Variants in NRG1 observed in about 807,000 individuals in gnomAD.
NRG1 encodes the protein pro-neuregulin-1, membrane-bound isoform.
Under a neutral mutation model 63.8 loss-of-function variants are expected in NRG1, and 18 were observed. The observed-to-expected ratio is 0.28, with a 90% CI of 0.19 to 0.42. The LOEUF (loss-of-function observed/expected upper bound fraction) is 0.42, where lower values mean the gene tolerates loss of function less well. Ranked by LOEUF, NRG1 falls within the 10% of genes least tolerant of loss-of-function variation. The pLI, the probability that NRG1 is intolerant of heterozygous loss-of-function variation, is 1.00. For synonymous variants in NRG1, 302 were observed against 301.3 expected, an observed-to-expected ratio of 1.00 and a Z score of -0.02; for missense variants, 762 against 814.7, an observed-to-expected ratio of 0.94 and a Z score of 0.79.
At chr8:32,688,704 T>C (rs931378421) in intron 5 of NRG1, among the ~76,000 whole-genome samples, 3 of 152,180 alleles carry the variant, frequency 2.0e-5, no homozygotes, top group African/African-American at 7.2e-5. Flanking sequence ...GTAATAACAG[T>C]GACTTTTTTT....
At chr8:31,684,248 A>G (rs1808633419) in intron 1 of NRG1, among the ~76,000 whole-genome samples, 1 of 152,166 alleles carries the variant, frequency 6.6e-6, no homozygotes, top group South Asian at 2.1e-4. Flanking sequence ...CTCCAATGTA[A>G]CAGTATTAAG....
intron 1 of NRG1, among the ~76,000 whole-genome samples, chr8:32,154,402 C>T (rs1285270027): frequency 1.3e-5 from 2 of 151,870 alleles, no homozygotes; most frequent in East Asian, 3.9e-4. Context: ...TGCCTTCCTC[C>T]CTTCCACTTC....
In NRG1 at chr8:32,384,930, T is replaced by C. The variant is rs143124097; in HGVS notation, c.38-210898T>C. 7.0e-4 allele frequency among the ~76,000 whole-genome samples: 106 copies of C among 152,370 alleles called. 2 individuals are homozygous for C. In the East Asian group the frequency reaches 0.018, roughly 26 times the overall value. On this transcript the variant is annotated intron_variant, in intron 1 of 10. Transcript: ENST00000519301. ...TCCTCCATTTTAAACTGGAATTTAC[T>C]GATTCAAATTTTTAAGAGAAAAAGT...
chr8:32,358,894 A>C (rs1312074037), intron 1 of NRG1, among the ~76,000 whole-genome samples: 1 of 152,196 alleles, frequency 6.6e-6, no homozygotes, highest in Non-Finnish European at 1.5e-5. Flanking sequence ...ATAAATAAAT[A>C]AAGCATATCA....
intron 1 of NRG1, among the ~76,000 whole-genome samples, chr8:32,325,449 G>A (rs750554565): frequency 7.9e-5 from 12 of 152,156 alleles, no homozygotes; most frequent in Non-Finnish European, 1.5e-4. Context: ...TGGCACAAAC[G>A]TGGCTCACTG....
chr8:32,603,312 G>A (rs1396692238), intron 2 of NRG1, among the ~76,000 whole-genome samples: 1 of 152,086 alleles, frequency 6.6e-6, no homozygotes, highest in Non-Finnish European at 1.5e-5. Context: ...GGGAGTCAGA[G>A]TACAACAGCA....
chr8:31,688,884 C>G (rs569495575), intron 1 of NRG1, among the ~76,000 whole-genome samples: 1 of 152,274 alleles, frequency 6.6e-6, no homozygotes, highest in East Asian at 1.9e-4. Context: ...GGTCAAAAGT[C>G]AAAAGTCTGT....
chr8:32,747,947 G>A lies in NRG1; in HGVS notation c.691+5214G>A, dbSNP rs368149046. Among the ~76,000 whole-genome samples, 8 of 151,792 alleles carry A rather than the reference G, an allele frequency of 5.3e-5. No individual in the cohort carries two copies. The East Asian group carries it at 9.7e-4, about 18-fold the overall frequency. ...TCTGCTGTTTGCCAACATATTTCAC[G>A]TCTCCTTTACTCCCCAGGCATGCCC... On this transcript the variant is annotated intron_variant, in intron 7 of 11. Coordinates refer to ENST00000356819, the Ensembl canonical transcript of NRG1.
intron 1 of NRG1, among the ~76,000 whole-genome samples, chr8:31,835,787 TATTAA>T (rs1433785252): frequency 6.6e-6 from 1 of 152,202 alleles, no homozygotes; most frequent in African/African-American, 2.4e-5. Context: ...TAATGTTATG[TATTAA>T]ATTATTGTCT....
chr8:32,525,874 G>T (rs1830785847), intron 1 of NRG1, among the ~76,000 whole-genome samples: 1 of 152,074 alleles, frequency 6.6e-6, no homozygotes, highest in African/African-American at 2.4e-5. Flanking sequence ...CAAGTCAGTT[G>T]TTACAAATTC....
At chr8:32,306,498 C>A (rs191641716) in intron 1 of NRG1, among the ~76,000 whole-genome samples, 1 of 152,102 alleles carries the variant, frequency 6.6e-6, no homozygotes, top group African/African-American at 2.4e-5. Context: ...CAGAAAGGCC[C>A]CATTGAAATT....
chr8:32,760,524 T>C, intron 11 of NRG1, 118 bp downstream of exon 11: 1 of 1,526,958 alleles, frequency 6.5e-7, no homozygotes, highest in African/African-American at 1.4e-5. Flanking sequence ...GGCAGTTACC[T>C]GTTCTAGGAG....
chr8:31,724,330 G>C (rs1427805910), intron 1 of NRG1, among the ~76,000 whole-genome samples: 1 of 152,136 alleles, frequency 6.6e-6, no homozygotes, highest in Non-Finnish European at 1.5e-5. Flanking sequence ...GTTTGACCCT[G>C]TCAGAATCAT....
intron 1 of NRG1, among the ~76,000 whole-genome samples, chr8:31,657,399 C>T (rs1454255024): frequency 6.6e-6 from 1 of 152,122 alleles, no homozygotes; most frequent in Non-Finnish European, 1.5e-5. Context: ...CATGGAGAAC[C>T]ATAGATGACT....
At position 32,513,204 on chromosome 8, in the gene NRG1, C is replaced by CGTGT. The variant is rs3031226; in HGVS notation, c.38-82607_38-82604dup. 1.1e-4 allele frequency among the ~76,000 whole-genome samples: 16 copies of CGTGT among 147,702 alleles called. No homozygotes were observed. The South Asian group carries it at 1.9e-3, about 18-fold the overall frequency. ...GTGTGTGTGTGTGTATGCGTGTGTG[C>CGTGT]GTGTGTGTGTGTGTGTGTGTATAAA... On this transcript the variant is annotated intron_variant, in intron 1 of 10. Transcript: ENST00000519301.
intron 1 of NRG1, among the ~76,000 whole-genome samples, chr8:32,110,990 C>G (rs1253851931): frequency 6.6e-6 from 1 of 152,148 alleles, no homozygotes; most frequent in Non-Finnish European, 1.5e-5. Context: ...ACGTTTCCTA[C>G]CAAGGGACTG....
At chr8:32,456,005 A>C (rs1268351613) in intron 1 of NRG1, among the ~76,000 whole-genome samples, 1 of 152,126 alleles carries the variant, frequency 6.6e-6, no homozygotes, top group African/African-American at 2.4e-5. Flanking sequence ...GATGGTCTGG[A>C]ACTCTTGACT....
intron 5 of NRG1, among the ~76,000 whole-genome samples, chr8:32,633,362 TTA>T (rs970839680): frequency 2.2e-4 from 33 of 152,172 alleles, no homozygotes; most frequent in African/African-American, 8.0e-4. Context: ...AACAGACAGA[TTA>T]TGTTTTTCTG....
At chr8:32,674,504 A>G (rs1453465730) in intron 5 of NRG1, among the ~76,000 whole-genome samples, 1 of 152,136 alleles carries the variant, frequency 6.6e-6, no homozygotes, top group East Asian at 1.9e-4. Context: ...AAATTCGTAT[A>G]TGACAACTGA....
Sources: allele counts gnomAD v4.1 joint callset (sites outside exome capture counted in the v4.1 genomes callset), GRCh38; gene constraint gnomAD v4.1.1; transcripts MANE v1.5; gene names NCBI Gene and HGNC (gene_info 2026-07-23, HGNC 2026-07-21).